The following AOPEP variants were observed in gnomAD, a reference collection of about 807,000 sequenced individuals.
AOPEP encodes aminopeptidase O.
AOPEP carries 77 observed loss-of-function variants against 98.1 expected under a neutral mutation model. The observed-to-expected ratio is 0.78, with a 90% CI of 0.65 to 0.95. AOPEP has a LOEUF of 0.95. Among genes scored for constraint, AOPEP ranks in the 40% least tolerant of loss-of-function variants. The pLI is 0.00. For missense variants in AOPEP, 1,024 were observed against 1,024.7 expected, an observed-to-expected ratio of 1.00 and a Z score of 0.01; for synonymous variants, 346 against 365.3, an observed-to-expected ratio of 0.95 and a Z score of 0.60.
At chr9:95,035,915 A>G (rs1033261481) in intron 13 of AOPEP, among the ~76,000 whole-genome samples, 1 of 152,020 alleles carries the variant, frequency 6.6e-6, no homozygotes, top group Non-Finnish European at 1.5e-5. Flanking sequence ...CTCAGTTATG[A>G]CAGACTTCCC....
intron 1 of AOPEP, among the ~76,000 whole-genome samples, chr9:94,728,608 A>G (rs1414412170): frequency 5.3e-5 from 8 of 152,152 alleles, no homozygotes; most frequent in Non-Finnish European, 1.0e-4. Flanking sequence ...TTTTTCCTGT[A>G]AGAAGAGACT....
At chr9:94,947,619 TC>T (rs778883646) in intron 7 of AOPEP, among the ~76,000 whole-genome samples, 16 of 152,346 alleles carry the variant, frequency 1.1e-4, no homozygotes, top group Non-Finnish European at 2.4e-4. Flanking sequence ...GCATTTTTCC[TC>T]CTTAATAACA....
chr9:95,139,853 A>ATATAT, the AOPEP span, among the ~76,000 whole-genome samples: 5 of 144,418 alleles, frequency 3.5e-5, no homozygotes, highest in East Asian at 1.0e-3. Flanking sequence ...TATATATATA[A>ATATAT]ATATATATAT....
At chr9:95,105,550 C>T in the AOPEP span, among the ~76,000 whole-genome samples, 1 of 152,060 alleles carries the variant, frequency 6.6e-6, no homozygotes, top group Non-Finnish European at 1.5e-5. Context: ...TGCTGTTTTA[C>T]CCATTTGTGT....
intron 1 of AOPEP, among the ~76,000 whole-genome samples, chr9:94,732,995 A>T (rs977088632): frequency 3.3e-5 from 5 of 151,520 alleles, no homozygotes; most frequent in Admixed American, 6.6e-5. Flanking sequence ...TTTATAACAA[A>T]TTTTTTTTTG....
At chr9:95,101,291 GCTAAGT>G in the AOPEP span, 161 of 323,150 alleles carry the variant, frequency 5.0e-4, no homozygotes, top group African/African-American at 3.1e-3. Flanking sequence ...TCTAAAAAGA[GCTAAGT>G]TCTCTCTAAA....
the AOPEP span, among the ~76,000 whole-genome samples, chr9:95,137,309 G>A: frequency 6.6e-6 from 1 of 152,130 alleles, no homozygotes; most frequent in Non-Finnish European, 1.5e-5. Flanking sequence ...TGACCGTGGG[G>A]CAAGAGCAGC....
intron 7 of AOPEP, among the ~76,000 whole-genome samples, chr9:94,943,575 C>T: frequency 7.0e-6 from 1 of 143,856 alleles, no homozygotes; most frequent in East Asian, 2.0e-4. Context: ...GCCTAGGCGA[C>T]AGAGTGGGAC....
At position 94,989,728 on chromosome 9, in the gene AOPEP, C is replaced by T. The variant is rs752886768; in HGVS notation, c.1977+10301C>T. On this transcript the variant is annotated intron_variant, in intron 11 of 16. Coordinates refer to ENST00000375315, the MANE Select transcript of AOPEP (RefSeq NM_001193329.3). The stretch of plus-strand genomic sequence containing the variant: ...CACGAATCAAGAGATTCTCCTGCCT[C>T]AGCCTCCTGAGTAGCTGGGATTACA... 2.6e-5 allele frequency among the ~76,000 whole-genome samples: 4 copies of T among 151,776 alleles called. No homozygotes were observed. In the South Asian group the frequency reaches 6.3e-4, roughly 24 times the overall value.
the AOPEP span, among the ~76,000 whole-genome samples, chr9:95,127,802 T>C: frequency 4.6e-5 from 7 of 152,214 alleles, no homozygotes; most frequent in South Asian, 2.1e-4. Context: ...CCCGATGACA[T>C]TGAGCCCGCG....
At chr9:94,944,352 A>G (rs2057383251) in intron 7 of AOPEP, among the ~76,000 whole-genome samples, 1 of 152,232 alleles carries the variant, frequency 6.6e-6, no homozygotes, top group African/African-American at 2.4e-5. Flanking sequence ...CAACAGATGA[A>G]TGGATAATCA....
intron 7 of AOPEP, among the ~76,000 whole-genome samples, chr9:94,947,133 C>T (rs1465197821): frequency 5.9e-5 from 9 of 151,294 alleles, no homozygotes; most frequent in African/African-American, 1.9e-4. Context: ...CCTGCCACCA[C>T]GCCCGGCTAA....
intron 4 of AOPEP, among the ~76,000 whole-genome samples, chr9:94,794,587 A>G (rs775451679): frequency 2.8e-4 from 42 of 152,080 alleles, no homozygotes; most frequent in Admixed American, 1.5e-3. Flanking sequence ...GGCAGAAGGG[A>G]GGTAATTTCC....
the AOPEP span, among the ~76,000 whole-genome samples, chr9:95,096,573 A>G: frequency 6.6e-6 from 1 of 152,210 alleles, no homozygotes; most frequent in Non-Finnish European, 1.5e-5. Flanking sequence ...CCCTCTGCCT[A>G]GAGATGCCAT....
intron 14 of AOPEP, among the ~76,000 whole-genome samples, chr9:95,079,646 G>A (rs936360754): frequency 1.3e-5 from 2 of 152,228 alleles, no homozygotes; most frequent in African/African-American, 4.8e-5. Context: ...AATACCTTGC[G>A]CAGGTGGTTC....
chr9:95,103,821 G>A, the AOPEP span, among the ~76,000 whole-genome samples: 1 of 152,234 alleles, frequency 6.6e-6, no homozygotes, highest in Non-Finnish European at 1.5e-5. Context: ...GGCAGATGGG[G>A]CTGCAGGACC....
rs1449025554 is a variant in AOPEP, at chr9:94,928,465, C to T, written c.1595C>T (p.Ala532Val). ...GCCCGGGAGCAGCAGGAGCTGAGGG[C>T]TTGTCTGCGCTGGCGTCGCCTCCAG... ...YEAREQQELRACLRWRRLQDE... is the reference protein window; with the variant it reads ...YEAREQQELRVCLRWRRLQDE... Residue 532 changes from alanine to valine, a missense_variant, in exon 7 of 17, where the codon GCT (alanine) becomes GTT (valine). Around this residue, in one of 3 missense-constraint regions of AOPEP, gnomAD observed 566 missense variants for 551.7 expected, o/e 1.03. Transcript: ENST00000375315. 6.5e-7 allele frequency: 1 copy of T among 1,550,014 alleles called. No homozygotes were observed. Among genetic ancestry groups the T allele is most frequent in the Non-Finnish European group, 8.7e-7 (1 of 1,147,004 alleles).
chr9:94,851,904 C>T (rs879932766), intron 5 of AOPEP, among the ~76,000 whole-genome samples: 1 of 151,480 alleles, frequency 6.6e-6, no homozygotes, highest in Non-Finnish European at 1.5e-5. Context: ...CTTTATAGGC[C>T]TCCGTGATTC....
chr9:94,749,926 T>G (rs1835314983), intron 1 of AOPEP, among the ~76,000 whole-genome samples: 1 of 152,154 alleles, frequency 6.6e-6, no homozygotes, highest in African/African-American at 2.4e-5. Context: ...GTATTATGTT[T>G]TATTTTAGAC....
Sources: gnomAD v4.1 joint callset for allele counts (sites outside exome capture counted in the v4.1 genomes callset) on GRCh38, gnomAD v4.1.1 for gene constraint, gnomAD v4.1.1 regional missense constraint, MANE v1.5 for transcripts, NCBI Gene and HGNC (gene_info 2026-07-23, HGNC 2026-07-21) for gene names.